GALNT13: variants seen among roughly 807,000 people sequenced by gnomAD.
The protein encoded by GALNT13 is polypeptide N-acetylgalactosaminyltransferase 13.
GALNT13 carries 28 observed loss-of-function variants against 64.2 expected under a neutral mutation model. The observed-to-expected ratio is 0.44, with a 90% CI of 0.32 to 0.60. The LOEUF (loss-of-function observed/expected upper bound fraction) is 0.60, where lower values mean the gene tolerates loss of function less well. Ranked by LOEUF, GALNT13 falls within the 20% of genes least tolerant of loss-of-function variation. The pLI, the probability that GALNT13 is intolerant of heterozygous loss-of-function variation, is 0.05. For missense variants in GALNT13, 577 were observed against 669.8 expected (o/e 0.86, Z 1.53); for synonymous variants, 214 against 224.6 (o/e 0.95, Z 0.42).
At chr2:154,306,741 T>C (rs1693763092) in intron 9 of GALNT13, among the ~76,000 whole-genome samples, 1 of 151,964 alleles carries the variant, frequency 6.6e-6, no homozygotes. Flanking sequence ...TGAGCCAGAT[T>C]ACCCGTCTGA....
chr2:153,373,661 A>G, the GALNT13 span, among the ~76,000 whole-genome samples: 8 of 152,346 alleles, frequency 5.3e-5, no homozygotes, highest in African/African-American at 1.4e-4. Flanking sequence ...TTGGGTGATC[A>G]TTAACCACCA....
At chr2:154,420,470 T>C (rs1396482084) in intron 11 of GALNT13, among the ~76,000 whole-genome samples, 1 of 152,172 alleles carries the variant, frequency 6.6e-6, no homozygotes, top group African/African-American at 2.4e-5. Flanking sequence ...TTCTCCTGTT[T>C]TATGCCTAAT....
chr2:153,082,224 G>T, the GALNT13 span, among the ~76,000 whole-genome samples: 8 of 151,970 alleles, frequency 5.3e-5, no homozygotes, highest in Non-Finnish European at 1.0e-4. Context: ...AAGTTCTTTA[G>T]TAGTGACTTC....
At chr2:153,788,127 A>T in the GALNT13 span, among the ~76,000 whole-genome samples, 1 of 152,170 alleles carries the variant, frequency 6.6e-6, no homozygotes, top group Admixed American at 6.5e-5. Flanking sequence ...GATCATCCTC[A>T]AGATACATAA....
chr2:153,501,977 T>A, the GALNT13 span, among the ~76,000 whole-genome samples: 2 of 152,232 alleles, frequency 1.3e-5, no homozygotes, highest in African/African-American at 4.8e-5. Context: ...CAGTAATTTT[T>A]ACCATTCCTA....
chr2:153,646,280 T>C, the GALNT13 span, among the ~76,000 whole-genome samples: 3 of 151,960 alleles, frequency 2.0e-5, no homozygotes, highest in African/African-American at 4.8e-5. Context: ...CCCTGAAACA[T>C]ATTAATATTA....
the GALNT13 span, among the ~76,000 whole-genome samples, chr2:153,476,603 C>G: frequency 6.6e-6 from 1 of 152,156 alleles, no homozygotes; most frequent in Non-Finnish European, 1.5e-5. Flanking sequence ...CTCCAAATAT[C>G]CTTCCCAGTT....
chr2:153,970,763 G>A (rs569077875), intron 3 of GALNT13, among the ~76,000 whole-genome samples: 6 of 151,962 alleles, frequency 3.9e-5, no homozygotes, highest in East Asian at 1.9e-4. Flanking sequence ...TCATCACTCC[G>A]GCTGCTTAAA....
intron 2 of GALNT13, among the ~76,000 whole-genome samples, chr2:153,921,655 T>C (rs982883888): frequency 1.3e-5 from 2 of 152,076 alleles, no homozygotes; most frequent in African/African-American, 4.8e-5. Context: ...CTTAAGAGTT[T>C]ATGTAAGAGT....
chr2:153,632,314 C>A, the GALNT13 span, among the ~76,000 whole-genome samples: 1 of 152,214 alleles, frequency 6.6e-6, no homozygotes, highest in Non-Finnish European at 1.5e-5. Flanking sequence ...TTACTAACAT[C>A]TCACATTACT....
At chr2:153,096,840 G>T in the GALNT13 span, among the ~76,000 whole-genome samples, 3 of 152,048 alleles carry the variant, frequency 2.0e-5, no homozygotes, top group Admixed American at 6.6e-5. Flanking sequence ...TCTTTTGATT[G>T]TAAAGTTTAG....
At chr2:153,445,437 G>C in the GALNT13 span, among the ~76,000 whole-genome samples, 4 of 152,130 alleles carry the variant, frequency 2.6e-5, no homozygotes, top group African/African-American at 4.8e-5. Context: ...GAGTGCAGTG[G>C]TATGATCATG....
chr2:153,851,065 A>T, the GALNT13 span, among the ~76,000 whole-genome samples: 1 of 152,160 alleles, frequency 6.6e-6, no homozygotes, highest in African/African-American at 2.4e-5. Flanking sequence ...GTAGTTTAAG[A>T]ATCTCAAAAA....
the GALNT13 span, among the ~76,000 whole-genome samples, chr2:153,629,894 A>G: frequency 1.3e-5 from 2 of 148,668 alleles, no homozygotes; most frequent in African/African-American, 5.1e-5. Context: ...AACACATGAA[A>G]AAATGCTCAT....
At chr2:153,679,991 T>C in the GALNT13 span, among the ~76,000 whole-genome samples, 1 of 151,906 alleles carries the variant, frequency 6.6e-6, no homozygotes, top group Non-Finnish European at 1.5e-5. Context: ...AGTTTTATCT[T>C]CAGTATAAAA....
intron 9 of GALNT13, among the ~76,000 whole-genome samples, chr2:154,370,197 A>AC: frequency 6.6e-6 from 1 of 152,006 alleles, no homozygotes; most frequent in East Asian, 1.9e-4. Flanking sequence ...ACTGAGGGGG[A>AC]TTTATATATA....
chr2:154,016,590 G>A (rs1697021705), intron 3 of GALNT13, among the ~76,000 whole-genome samples: 2 of 152,002 alleles, frequency 1.3e-5, no homozygotes, highest in African/African-American at 4.8e-5. Flanking sequence ...GCTAACTTCT[G>A]AATTTTTAGT....
At chr2:153,566,547 G>T in the GALNT13 span, among the ~76,000 whole-genome samples, 1 of 151,908 alleles carries the variant, frequency 6.6e-6, no homozygotes, top group African/African-American at 2.4e-5. Context: ...GTAGAGATGG[G>T]GTTTCACCGT....
the GALNT13 span, among the ~76,000 whole-genome samples, chr2:153,270,616 T>C: frequency 6.6e-6 from 1 of 152,184 alleles, no homozygotes; most frequent in African/African-American, 2.4e-5. Flanking sequence ...GTCTCAGCAC[T>C]ATGTGAGGCC....
Sources: gnomAD v4.1 joint callset for allele counts (sites outside exome capture counted in the v4.1 genomes callset) on GRCh38, gnomAD v4.1.1 for gene constraint, MANE v1.5 for transcripts, NCBI Gene and HGNC (gene_info 2026-07-23, HGNC 2026-07-21) for gene names.